Variants in KHDRBS2 observed in about 807,000 individuals in gnomAD.
KHDRBS2 encodes KH RNA binding domain containing, signal transduction associated 2.
In KHDRBS2, 26 loss-of-function variants were observed where a neutral mutation model predicts 44.3. That is an observed-to-expected ratio of 0.59 (90% confidence interval 0.43 to 0.81). KHDRBS2 has a LOEUF of 0.81. Ranked by LOEUF, KHDRBS2 falls within the 40% of genes least tolerant of loss-of-function variation. The pLI, the probability that KHDRBS2 is intolerant of heterozygous loss-of-function variation, is 0.00. For missense variants in KHDRBS2, 476 were observed against 433.1 expected (o/e 1.10, Z -0.88); for synonymous variants, 194 against 151.1 (o/e 1.28, Z -2.08).
intron 6 of KHDRBS2, among the ~76,000 whole-genome samples, chr6:61,755,799 C>CAAA (rs34625585): frequency 2.8e-5 from 3 of 106,270 alleles, no homozygotes; most frequent in Non-Finnish European, 3.7e-5. Flanking sequence ...GACTCTGTCT[C>CAAA]AAAAAAAAAA....
chr6:62,089,003 C>G (rs774381592), intron 2 of KHDRBS2, among the ~76,000 whole-genome samples: 17 of 152,118 alleles, frequency 1.1e-4, no homozygotes, highest in Admixed American at 2.0e-4. Flanking sequence ...AACTTCCAGG[C>G]AGCTTTGTTT....
the KHDRBS2 span, among the ~76,000 whole-genome samples, chr6:61,599,578 C>A: frequency 6.6e-6 from 1 of 152,282 alleles, no homozygotes; most frequent in African/African-American, 2.4e-5. Flanking sequence ...CTTCAGTATT[C>A]CATGAATTTA....
At chr6:61,772,438 A>C (rs1781096149) in intron 6 of KHDRBS2, among the ~76,000 whole-genome samples, 1 of 152,182 alleles carries the variant, frequency 6.6e-6, no homozygotes, top group Non-Finnish European at 1.5e-5. Flanking sequence ...CCAATAAAGA[A>C]GAAAAGAATA....
chr6:61,700,876 A>G (rs1055364897), intron 7 of KHDRBS2, among the ~76,000 whole-genome samples: 7 of 151,788 alleles, frequency 4.6e-5, no homozygotes, highest in South Asian at 2.1e-4. Flanking sequence ...CTTATTTTAC[A>G]CTACTGCTTG....
intron 2 of KHDRBS2, among the ~76,000 whole-genome samples, chr6:62,162,122 AT>A (rs1402857504): frequency 6.6e-6 from 1 of 152,092 alleles, no homozygotes; most frequent in Non-Finnish European, 1.5e-5. Flanking sequence ...GCTACAAACC[AT>A]TGTTAAGATA....
intron 5 of KHDRBS2, among the ~76,000 whole-genome samples, chr6:61,895,122 G>GAA (rs59793779): frequency 5.2e-5 from 6 of 115,870 alleles, no homozygotes; most frequent in Non-Finnish European, 5.5e-5. Context: ...CCCAAAGCCA[G>GAA]AAAAAAAAAA....
intron 4 of KHDRBS2, among the ~76,000 whole-genome samples, chr6:61,961,445 A>G (rs975127186): frequency 3.4e-5 from 4 of 116,134 alleles, no homozygotes; most frequent in Non-Finnish European, 8.4e-5. Context: ...AGAAAGAAAG[A>G]GAAAAAAAGA....
chr6:62,053,864 G>C (rs969212610), intron 2 of KHDRBS2, among the ~76,000 whole-genome samples: 3 of 151,956 alleles, frequency 2.0e-5, no homozygotes, highest in Non-Finnish European at 4.4e-5. Flanking sequence ...AGAGAGCTTA[G>C]CAAGGTGCTG....
intron 1 of KHDRBS2, among the ~76,000 whole-genome samples, chr6:62,227,907 T>C (rs1206359300): frequency 1.3e-5 from 2 of 152,228 alleles, no homozygotes; most frequent in Non-Finnish European, 2.9e-5. Context: ...TTTGATGTGC[T>C]GCTGGATTTG....
intron 1 of KHDRBS2, among the ~76,000 whole-genome samples, chr6:62,226,359 T>A (rs1045970293): frequency 2.0e-5 from 3 of 152,232 alleles, no homozygotes; most frequent in African/African-American, 7.2e-5. Flanking sequence ...TCTGTTCATA[T>A]CCTCTGCCCA....
chr6:61,931,349 G>A (rs1810007787), intron 4 of KHDRBS2, among the ~76,000 whole-genome samples: 1 of 151,812 alleles, frequency 6.6e-6, no homozygotes, highest in South Asian at 2.1e-4. Flanking sequence ...TTTTATAAAA[G>A]ATGAAAGTAT....
intron 8 of KHDRBS2, among the ~76,000 whole-genome samples, chr6:61,694,934 G>A (rs1002280886): frequency 5.9e-5 from 9 of 152,032 alleles, no homozygotes; most frequent in Non-Finnish European, 1.0e-4. Context: ...CAAAATATTA[G>A]GTTAATTTGA....
chr6:61,583,290 T>G, the KHDRBS2 span, among the ~76,000 whole-genome samples: 1 of 151,870 alleles, frequency 6.6e-6, no homozygotes, highest in South Asian at 2.1e-4. Context: ...GAGATTCATC[T>G]ATATTGTTGC....
chr6:61,829,072 A>C (rs1418696473), intron 6 of KHDRBS2, among the ~76,000 whole-genome samples: 2 of 152,332 alleles, frequency 1.3e-5, no homozygotes, highest in South Asian at 4.1e-4. Flanking sequence ...TAATTTTCTA[A>C]TATCTATTAA....
intron 2 of KHDRBS2, among the ~76,000 whole-genome samples, chr6:62,171,661 T>C (rs1166251375): frequency 2.8e-5 from 3 of 108,310 alleles, no homozygotes; most frequent in Non-Finnish European, 6.4e-5. Flanking sequence ...AAATAAAAGA[T>C]ATTAAAGGCA....
chr6:62,070,593 GGTT>G (rs1274367045), intron 2 of KHDRBS2, among the ~76,000 whole-genome samples: 1 of 151,866 alleles, frequency 6.6e-6, no homozygotes, highest in Non-Finnish European at 1.5e-5. Flanking sequence ...CGCGGTGTTC[GGTT>G]TTTTGTCCTT....
At chr6:61,907,040 G>T (rs1805170685) in intron 4 of KHDRBS2, among the ~76,000 whole-genome samples, 1 of 152,074 alleles carries the variant, frequency 6.6e-6, no homozygotes, top group Non-Finnish European at 1.5e-5. Flanking sequence ...GTGTATGAGG[G>T]TTTCCCTTTC....
intron 6 of KHDRBS2, among the ~76,000 whole-genome samples, chr6:61,800,743 T>A (rs774704788): frequency 6.6e-6 from 1 of 152,142 alleles, no homozygotes; most frequent in African/African-American, 2.4e-5. Flanking sequence ...TATCCTGCTA[T>A]GGAAGTTTAT....
At chr6:61,907,850 C>A (rs902642043) in intron 4 of KHDRBS2, among the ~76,000 whole-genome samples, 1 of 152,134 alleles carries the variant, frequency 6.6e-6, no homozygotes, top group Non-Finnish European at 1.5e-5. Context: ...ACTAGAACAT[C>A]CTGTTGATGT....
Sources: gnomAD v4.1 joint callset for allele counts (sites outside exome capture counted in the v4.1 genomes callset) on GRCh38, gnomAD v4.1.1 for gene constraint, MANE v1.5 for transcripts, NCBI Gene and HGNC (gene_info 2026-07-23, HGNC 2026-07-21) for gene names.